Variants in NAALADL2 observed in about 807,000 individuals in gnomAD.
The protein encoded by NAALADL2 is inactive N-acetylated-alpha-linked acidic dipeptidase-like protein 2.
Under a neutral mutation model 87.2 loss-of-function variants are expected in NAALADL2, and 76 were observed. That is an observed-to-expected ratio of 0.87 (90% CI 0.72 to 1.05). NAALADL2 has a LOEUF of 1.05. NAALADL2 is among the 50% of genes least tolerant of loss of function. The pLI, the probability that NAALADL2 is intolerant of heterozygous loss-of-function variation, is 0.00. For synonymous variants in NAALADL2, 354 were observed against 331.0 expected, an observed-to-expected ratio of 1.07 and a Z score of -0.75; for missense variants, 1,089 against 945.8, an observed-to-expected ratio of 1.15 and a Z score of -1.99.
intron 3 of NAALADL2, among the ~76,000 whole-genome samples, chr3:174,831,020 T>C (rs532035036): frequency 6.6e-4 from 97 of 146,788 alleles, no homozygotes; most frequent in African/African-American, 2.3e-3. Context: ...GAGACAATGG[T>C]GTTTTCTAGA....
At chr3:174,980,424 C>T (rs1019830926) in intron 1 of NAALADL2, among the ~76,000 whole-genome samples, 1 of 152,120 alleles carries the variant, frequency 6.6e-6, no homozygotes, top group Non-Finnish European at 1.5e-5. Context: ...CACTTGAACC[C>T]AGGAGTTTGA....
intron 13 of NAALADL2, among the ~76,000 whole-genome samples, chr3:175,758,030 C>T (rs1457268447): frequency 6.6e-6 from 1 of 152,006 alleles, no homozygotes; most frequent in East Asian, 1.9e-4. Context: ...CGGAAGACCC[C>T]TCTATGGTCT....
At chr3:174,939,669 TCTC>T (rs1738263494) in intron 1 of NAALADL2, among the ~76,000 whole-genome samples, 1 of 152,024 alleles carries the variant, frequency 6.6e-6, no homozygotes, top group Non-Finnish European at 1.5e-5. Context: ...TTGTTTGTCT[TCTC>T]TAATTTCTTT....
chr3:175,298,265 A>C (rs1186823548), intron 4 of NAALADL2, among the ~76,000 whole-genome samples: 1 of 152,100 alleles, frequency 6.6e-6, no homozygotes, highest in Non-Finnish European at 1.5e-5. Context: ...AATGAACTGG[A>C]GGGATGCGGA....
At chr3:175,697,791 GTA>G (rs533790840) in intron 11 of NAALADL2, among the ~76,000 whole-genome samples, 18 of 141,806 alleles carry the variant, frequency 1.3e-4, no homozygotes, top group South Asian at 4.4e-4. Context: ...ATATGTGTGT[GTA>G]TATATGTATA....
At chr3:174,609,414 C>A (rs1378315290) in intron 2 of NAALADL2, among the ~76,000 whole-genome samples, 2 of 151,890 alleles carry the variant, frequency 1.3e-5, no homozygotes, top group Non-Finnish European at 1.5e-5. Context: ...TCTAGAAAAC[C>A]CCATTGTCTC....
chr3:175,143,505 T>A lies in NAALADL2; in HGVS notation c.545+46214T>A, dbSNP rs200582371. On this transcript the variant is annotated intron_variant, in intron 2 of 13. Coordinates refer to ENST00000454872, the MANE Select transcript of NAALADL2 (RefSeq NM_207015.3). ...GAACGACTTGTTTGGCATCTCAATATAATTTAAATATTGAAAGTGCCAGTA... is the reference window on the plus strand; with the variant it reads ...GAACGACTTGTTTGGCATCTCAATAAAATTTAAATATTGAAAGTGCCAGTA... 7.3e-5 allele frequency among the ~76,000 whole-genome samples: 10 copies of A among 136,964 alleles called. No individual in the cohort carries two copies. The East Asian group carries it at 2.1e-3, about 29-fold the overall frequency. The allele number at this position is 136,964 out of a possible 152,430, so 89.9% of individuals were successfully genotyped here.
chr3:174,844,447 C>T (rs888960976), intron 3 of NAALADL2, among the ~76,000 whole-genome samples: 3 of 151,968 alleles, frequency 2.0e-5, no homozygotes, highest in African/African-American at 7.3e-5. Context: ...CAGCTTTGTT[C>T]TTTTTCTGTT....
At chr3:174,782,386 A>G (rs2109153964) in intron 3 of NAALADL2, among the ~76,000 whole-genome samples, 1 of 152,262 alleles carries the variant, frequency 6.6e-6, no homozygotes, top group African/African-American at 2.4e-5. Flanking sequence ...ACAGTTGTCT[A>G]ATGTGAATTA....
chr3:175,342,587 C>T (rs769758064), intron 5 of NAALADL2, among the ~76,000 whole-genome samples: 8 of 151,552 alleles, frequency 5.3e-5, no homozygotes, highest in Non-Finnish European at 7.4e-5. Context: ...ATCAAGTCTC[C>T]GGAGGTGCTC....
At chr3:174,683,626 TCTG>T (rs765425788) in intron 2 of NAALADL2, among the ~76,000 whole-genome samples, 2 of 91,798 alleles carry the variant, frequency 2.2e-5, no homozygotes, top group Admixed American at 1.4e-4. Context: ...TAACAGAACT[TCTG>T]GTGTGTGTGT....
At chr3:174,618,636 C>A (rs1720710477) in intron 2 of NAALADL2, among the ~76,000 whole-genome samples, 1 of 151,696 alleles carries the variant, frequency 6.6e-6, no homozygotes, top group African/African-American at 2.4e-5. Context: ...AGAGTGAAAT[C>A]TTTTTCTGAG....
At chr3:175,676,378 A>G (rs939696567) in intron 11 of NAALADL2, 5 of 152,216 alleles carry the variant, frequency 3.3e-5, no homozygotes, top group African/African-American at 1.2e-4. Flanking sequence ...GATAGTAAGT[A>G]GGATGTTCTC....
intron 11 of NAALADL2, among the ~76,000 whole-genome samples, chr3:175,699,159 AG>A (rs1208805936): frequency 5.3e-5 from 8 of 152,030 alleles, no homozygotes; most frequent in African/African-American, 1.7e-4. Context: ...TCCAAGCTTC[AG>A]CTGAGCAAAT....
intron 2 of NAALADL2, among the ~76,000 whole-genome samples, chr3:174,571,409 T>C (rs1388495421): frequency 3.3e-5 from 5 of 152,092 alleles, no homozygotes; most frequent in African/African-American, 4.8e-5. Flanking sequence ...AGAGTTTCGC[T>C]CTTTTTGCCC....
chr3:174,692,660 A>G (rs563127186), intron 2 of NAALADL2, among the ~76,000 whole-genome samples: 1 of 152,220 alleles, frequency 6.6e-6, no homozygotes, highest in Admixed American at 6.5e-5. Flanking sequence ...GGAAACCTCT[A>G]TACTAGGACA....
At chr3:174,623,888 A>G (rs191258635) in intron 2 of NAALADL2, among the ~76,000 whole-genome samples, 1 of 152,204 alleles carries the variant, frequency 6.6e-6, no homozygotes, top group Admixed American at 6.5e-5. Flanking sequence ...ACTTTATATA[A>G]AACCTTATAA....
intron 1 of NAALADL2, among the ~76,000 whole-genome samples, chr3:175,046,609 G>T (rs1342833103): frequency 6.6e-6 from 1 of 152,076 alleles, no homozygotes; most frequent in African/African-American, 2.4e-5. Flanking sequence ...ACAATCTGTT[G>T]CTCTGCGACA....
At chr3:175,399,814 T>C (rs529568044) in intron 5 of NAALADL2, among the ~76,000 whole-genome samples, 2 of 152,264 alleles carry the variant, frequency 1.3e-5, no homozygotes, top group South Asian at 4.1e-4. Flanking sequence ...CCGGCTCCTG[T>C]TGAAGATGCA....
Sources: allele counts gnomAD v4.1 joint callset (sites outside exome capture counted in the v4.1 genomes callset), GRCh38; gene constraint gnomAD v4.1.1; transcripts MANE v1.5; gene names NCBI Gene and HGNC (gene_info 2026-07-23, HGNC 2026-07-21).